Variants in CLHC1 observed in about 807,000 individuals in gnomAD.
CLHC1 encodes the protein clathrin heavy chain linker domain-containing protein 1.
CLHC1 carries 72 observed loss-of-function variants against 69.5 expected under a neutral mutation model. The observed-to-expected ratio is 1.04, with a 90% CI of 0.86 to 1.26. CLHC1 has a LOEUF of 1.26. Among genes scored for constraint, CLHC1 ranks in the 50% most tolerant of loss-of-function variants. The pLI is 0.00. For synonymous variants in CLHC1, 223 were observed against 224.3 expected (o/e 0.99, Z 0.05); for missense variants, 790 against 679.3 (o/e 1.16, Z -1.81).
chr2:55,188,990 C>T (rs899313142), intron 9 of CLHC1, among the ~76,000 whole-genome samples: 1 of 152,024 alleles, frequency 6.6e-6, no homozygotes, highest in African/African-American at 2.4e-5. Flanking sequence ...TTCCTTAAGA[C>T]ACAAGTGAAT....
intron 4 of CLHC1, among the ~76,000 whole-genome samples, chr2:55,213,755 T>C (rs1573735179): frequency 6.6e-6 from 1 of 152,198 alleles, no homozygotes. Flanking sequence ...TTGACACTTG[T>C]TAAAGCATAG....
At chr2:55,210,867 T>C (rs551660213) in intron 5 of CLHC1, among the ~76,000 whole-genome samples, 1 of 150,144 alleles carries the variant, frequency 6.7e-6, no homozygotes, top group African/African-American at 2.4e-5. Context: ...GATATATATA[T>C]AGAGAGAGAG....
intron 8 of CLHC1, among the ~76,000 whole-genome samples, chr2:55,208,178 T>C (rs1672624798): frequency 1.3e-5 from 2 of 152,310 alleles, no homozygotes; most frequent in South Asian, 2.1e-4. Flanking sequence ...TTATCCTAAA[T>C]GCGTGGGACC....
intron 9 of CLHC1, among the ~76,000 whole-genome samples, chr2:55,190,494 T>C (rs1670822750): frequency 6.6e-6 from 1 of 152,206 alleles, no homozygotes; most frequent in Non-Finnish European, 1.5e-5. Flanking sequence ...TATAACTGTA[T>C]TATTTCACAC....
intron 9 of CLHC1, among the ~76,000 whole-genome samples, chr2:55,204,316 T>C (rs1672236397): frequency 6.6e-6 from 1 of 152,110 alleles, no homozygotes. Context: ...TGAATAGACA[T>C]TTCTCAAAAG....
At chr2:55,188,897 A>C (rs1482085217) in intron 9 of CLHC1, among the ~76,000 whole-genome samples, 1 of 152,210 alleles carries the variant, frequency 6.6e-6, no homozygotes, top group Non-Finnish European at 1.5e-5. Context: ...AATTCAATTC[A>C]CATTTAAGTG....
chr2:55,183,767 A>T lies in CLHC1; in HGVS notation c.1007-2023T>A, dbSNP rs554028223. Among the ~76,000 whole-genome samples the T allele has an allele frequency of 9.9e-5, 15 of 152,194 alleles. No individual in the cohort carries two copies. The South Asian group carries it at 3.1e-3, about 32-fold the overall frequency. On this transcript the variant is annotated intron_variant, in intron 9 of 12. Coordinates refer to ENST00000401408, the MANE Select transcript of CLHC1 (RefSeq NM_152385.4). ...CCCTAACAAGGTGGGTATCATTAAC[A>T]TTCCTAGTTTTCTTTTCTTTATTTC...
chr2:55,197,122 G>C (rs1428693903), intron 9 of CLHC1, among the ~76,000 whole-genome samples: 1 of 152,076 alleles, frequency 6.6e-6, no homozygotes, highest in African/African-American at 2.4e-5. Flanking sequence ...CCTGCGGGAA[G>C]GAGAGGAAAA....
intron 9 of CLHC1, among the ~76,000 whole-genome samples, chr2:55,200,241 A>AAC (rs1553349849): frequency 3.6e-5 from 5 of 140,362 alleles, no homozygotes; most frequent in Admixed American, 1.5e-4. Context: ...AAAAAAAAAA[A>AAC]AAAACAGTGG....
At chr2:55,189,734 C>A (rs1363436314) in intron 9 of CLHC1, among the ~76,000 whole-genome samples, 2 of 152,134 alleles carry the variant, frequency 1.3e-5, no homozygotes, top group African/African-American at 2.4e-5. Context: ...CAGCTGAGTA[C>A]TGATTAGCAC....
At chr2:55,227,355 G>C (rs1024121104) in intron 2 of CLHC1, among the ~76,000 whole-genome samples, 4 of 151,602 alleles carry the variant, frequency 2.6e-5, no homozygotes, top group African/African-American at 4.9e-5. Flanking sequence ...TGATCTAGTA[G>C]GGGAGACAAA....
At chr2:55,180,238 C>T (rs757493194) in intron 11 of CLHC1, among the ~76,000 whole-genome samples, 9 of 151,920 alleles carry the variant, frequency 5.9e-5, no homozygotes, top group Non-Finnish European at 1.0e-4. Flanking sequence ...TCTGCTAAAT[C>T]TATCTTTAAA....
chr2:55,207,110 G>A (rs952516397), intron 8 of CLHC1, among the ~76,000 whole-genome samples: 4 of 151,172 alleles, frequency 2.6e-5, no homozygotes, highest in East Asian at 1.9e-4. Flanking sequence ...GTGAGACTCC[G>A]TCTGAAAAAA....
chr2:55,191,627 CA>C (rs1558464999), intron 9 of CLHC1, among the ~76,000 whole-genome samples: 1 of 151,992 alleles, frequency 6.6e-6, no homozygotes, highest in Non-Finnish European at 1.5e-5. Context: ...TTCTATACAT[CA>C]AGTGGTATAA....
In CLHC1 at chr2:55,208,693, C is replaced by T. The variant is rs748682721; in HGVS notation, c.832G>A (p.Glu278Lys). The change falls in exon 8 of 13, where the codon GAA becomes AAA. Residue 278 changes from glutamate (E) to lysine (K), a missense_variant. Physicochemically the swap from Glu to Lys is moderately conservative, Grantham distance 56. Coordinates refer to ENST00000401408, the MANE Select transcript of CLHC1 (RefSeq NM_152385.4). Reference sequence around the variant, plus strand: ...CGTGGATCATCTTCCATTAGTTCTTCAACAATGCCTTGGTCACCTGTAAAT... The same window carrying T: ...CGTGGATCATCTTCCATTAGTTCTTTAACAATGCCTTGGTCACCTGTAAAT... ...KYLQGDQGIV[E>K]ELMEDDPRRA... 1 of 1,609,896 alleles carries T rather than the reference C, an allele frequency of 6.2e-7. No individual in the cohort carries two copies. Among genetic ancestry groups the T allele is most frequent in the South Asian group, 1.1e-5 (1 of 90,938 alleles).
chr2:55,212,525 T>G, intron 5 of CLHC1, 148 bp downstream of exon 5: 1 of 638,758 alleles, frequency 1.6e-6, no homozygotes, highest in Non-Finnish European at 2.7e-6. Context: ...CCCTTGAATC[T>G]ACCTACAGTC....
At chr2:55,189,950 C>A (rs1269928252) in intron 9 of CLHC1, among the ~76,000 whole-genome samples, 1 of 152,154 alleles carries the variant, frequency 6.6e-6, no homozygotes, top group Non-Finnish European at 1.5e-5. Context: ...AATTTGAAAA[C>A]AAGCTCCAGA....
At chr2:55,191,175 CA>C (rs1335746875) in intron 9 of CLHC1, among the ~76,000 whole-genome samples, 1 of 152,110 alleles carries the variant, frequency 6.6e-6, no homozygotes, top group Non-Finnish European at 1.5e-5. Flanking sequence ...ATGAATTTGT[CA>C]CCAGCAGATC....
chr2:55,189,816 G>A (rs1202061764), intron 9 of CLHC1, among the ~76,000 whole-genome samples: 1 of 152,138 alleles, frequency 6.6e-6, no homozygotes, highest in Non-Finnish European at 1.5e-5. Context: ...AATCCCTAGA[G>A]TTCAGAAATA....
Sources: allele counts gnomAD v4.1 joint callset (sites outside exome capture counted in the v4.1 genomes callset), GRCh38; gene constraint gnomAD v4.1.1; transcripts MANE v1.5; gene names NCBI Gene and HGNC (gene_info 2026-07-23, HGNC 2026-07-21).